The following KIF7 variants were observed in gnomAD, a reference collection of about 807,000 sequenced individuals.
KIF7 encodes kinesin family member 7, also known as kinesin-like protein KIF7.
A neutral mutation model predicts 135.7 loss-of-function variants in KIF7; 104 were observed. That is an observed-to-expected ratio of 0.77 (90% CI 0.65 to 0.90). The LOEUF (loss-of-function observed/expected upper bound fraction) is 0.90. Among genes scored for constraint, KIF7 ranks in the 40% least tolerant of loss-of-function variants. KIF7 has a pLI of 0.00. For synonymous variants in KIF7, 883 were observed against 809.4 expected (o/e 1.09, Z -1.54); for missense variants, 2,005 against 1,839.1 (o/e 1.09, Z -1.65).
chr15:89,633,817 G>C lies in KIF7; in HGVS notation c.2461C>G (p.Leu821Val). The change falls in exon 12 of 19, where the codon CTG becomes GTG. Residue 821 changes from leucine to valine, a missense_variant. Transcript: ENST00000394412. ...VSLSAQSEKR[L>V]QELERNVQLM... Reference sequence around the variant, plus strand: ...TGCACGTTCCGCTCGAGCTCCTGCAGTCGCTTCTCACTCTGGGCCGACAGT... The same window carrying C: ...TGCACGTTCCGCTCGAGCTCCTGCACTCGCTTCTCACTCTGGGCCGACAGT... The C allele has an allele frequency of 6.2e-7, 1 of 1,613,184 alleles. No individual in the cohort carries two copies. Among genetic ancestry groups the C allele is most frequent in the Non-Finnish European group, 8.5e-7 (1 of 1,180,050 alleles).
Position 89,630,434 on chromosome 15 carries a change from C to G in KIF7, c.3171G>C (p.Glu1057Asp). ...EAIEALDAAI[E>D]YKNEAITCRQ... The stretch of plus-strand genomic sequence containing the variant: ...GGCATGTGATGGCCTCATTCTTATA[C>G]TCAATGGCAGCATCCAGGGCCTCGA... Residue 1057 changes from glutamate (E) to aspartate (D), a missense_variant, in exon 16 of 19, where the codon GAG (glutamate) becomes GAC (aspartate). Coordinates refer to ENST00000394412, the MANE Select transcript of KIF7 (RefSeq NM_198525.3). The G allele has an allele frequency of 6.3e-7, 1 of 1,596,114 alleles. No individual in the cohort carries two copies. The highest frequency in any genetic ancestry group is 8.5e-7 in the Non-Finnish European group (1 of 1,171,052).
intron 1 of KIF7, among the ~76,000 whole-genome samples, chr15:89,653,180 G>A (rs1310582480): frequency 1.3e-5 from 2 of 152,154 alleles, no homozygotes; most frequent in East Asian, 3.9e-4. Context: ...CGGCACTGGC[G>A]AAATGAGGCC....
chr15:89,620,240 ACT>A (rs1339089350), intron 1 of KIF7, among the ~76,000 whole-genome samples: 4 of 152,078 alleles, frequency 2.6e-5, no homozygotes, highest in African/African-American at 9.7e-5. Flanking sequence ...ACAAGGTCTC[ACT>A]CTGTCACCCA....
chr15:89,630,662 C>T lies in KIF7; in HGVS notation c.3112-169G>A. The T allele has an allele frequency of 4.4e-6, 3 of 677,254 alleles. No individual in the cohort carries two copies. The South Asian group carries it at 4.9e-5, about 11-fold the overall frequency. 42.0% of individuals were successfully genotyped at this position (677,254 alleles called of 1,614,324 possible). A position where few individuals can be genotyped will look rare whatever the true frequency, so the allele number is the denominator to read the frequency against. On this transcript the variant is annotated intron_variant, in intron 15 of 18. Coordinates refer to ENST00000394412, the MANE Select transcript of KIF7 (RefSeq NM_198525.3). ...GGTGCCCCCTGCTCACTGTCACAGC[C>T]CCAACCCCAGGGTGAGCTGGGGGCA...
intron 10 of KIF7, among the ~76,000 whole-genome samples, 181 bp downstream of exon 10, chr15:89,644,832 G>A (rs989813056): frequency 2.6e-5 from 4 of 152,210 alleles, no homozygotes; most frequent in African/African-American, 4.8e-5. Flanking sequence ...ACTGAGGCAC[G>A]GAGGGTTTAT....
At position 89,635,081 on chromosome 15, in the gene KIF7, C is replaced by T. The variant is rs370535190; in HGVS notation, c.2395-1198G>A. On this transcript the variant is annotated intron_variant, in intron 11 of 18. Transcript: ENST00000394412. ...AGCAGGGGCAGACTGACACCTCACA[C>T]GGCCGGGTACTCCAACAGACCTGCA... 8.1e-4 allele frequency among the ~76,000 whole-genome samples: 123 copies of T among 151,914 alleles called. 1 individual carries two copies. Among genetic ancestry groups the T allele is most frequent in the Middle Eastern group, 3.4e-3 (1 of 294 alleles).
chr15:89,626,369 A>T (rs568061689), downstream of KIF7, among the ~76,000 whole-genome samples: 1 of 152,344 alleles, frequency 6.6e-6, no homozygotes, highest in Admixed American at 6.5e-5. Context: ...AGGCGTTCTG[A>T]GCAGCACGAG....
chr15:89,648,376 C>A lies in KIF7; in HGVS notation c.1322G>T (p.Arg441Leu), dbSNP rs1214331197. Reference protein sequence around the residue: ...GLPGAAARKVRDWLCAVEGER... With the variant: ...GLPGAAARKVLDWLCAVEGER... ...GCCCTCGACGGCGCACAGCCAGTCG[C>A]GCACCTTGCGGGCGGCGGCGCCGGG... The change falls in exon 5 of 19, where the codon CGC becomes CTC. Residue 441 changes from arginine (R) to leucine (L), a missense_variant. Coordinates refer to ENST00000394412, the MANE Select transcript of KIF7 (RefSeq NM_198525.3). 2.3e-5 allele frequency: 28 copies of A among 1,219,130 alleles called. No individual in the cohort carries two copies. Among genetic ancestry groups the A allele is most frequent in the African/African-American group, 3.2e-5 (2 of 62,046 alleles). 75.5% of individuals were successfully genotyped at this position (1,219,130 alleles called of 1,614,324 possible). A position where few individuals can be genotyped will look rare whatever the true frequency, so the allele number is the denominator to read the frequency against.
the KIF7 span, among the ~76,000 whole-genome samples, chr15:89,660,532 T>C: frequency 6.6e-6 from 1 of 152,158 alleles, no homozygotes; most frequent in South Asian, 2.1e-4. Flanking sequence ...TCTTGGCTCA[T>C]GAGGTGAGTT....
At chr15:89,625,803 AACCCAGTTTC>A (rs1323708968), downstream of KIF7, 1 of 1,584,246 alleles carries the variant, frequency 6.3e-7, no homozygotes, top group Non-Finnish European at 8.6e-7. Context: ...TCGTTTTTGA[AACCCAGTTTC>A]CTCATGGTTT....
At chr15:89,627,611 A>G (rs182275540), downstream of KIF7, 1 of 155,010 alleles carries the variant, frequency 6.5e-6, no homozygotes, top group South Asian at 2.0e-4. Flanking sequence ...CACTCAGTAC[A>G]TTTTTGTTTA....
In KIF7 at chr15:89,628,756, C is replaced by T. The variant is rs1327979036; in HGVS notation, c.3695G>A (p.Gly1232Asp). ...GGEKRSLCSE[G>D]RQAPGNEDEL... ...ATCTTCATTTCCAGGAGCCTGTCTG[C>T]CCTCCGAGCACAGGCTCCTCTTCTC... Residue 1232 changes from glycine (G) to aspartate (D), a missense_variant, in exon 19 of 19, where the codon GGC (glycine) becomes GAC (aspartate). By Grantham distance (94) the Gly-to-Asp change is moderately conservative (BLOSUM62 -1). Coordinates refer to ENST00000394412, the MANE Select transcript of KIF7 (RefSeq NM_198525.3). 2 of 1,612,238 alleles carry T rather than the reference C, an allele frequency of 1.2e-6. No homozygotes were observed. The highest frequency in any genetic ancestry group is 1.7e-5 in the Admixed American group (1 of 60,014).
downstream of KIF7, among the ~76,000 whole-genome samples, chr15:89,626,384 A>G (rs1963526952): frequency 6.6e-6 from 1 of 152,220 alleles, no homozygotes; most frequent in African/African-American, 2.4e-5. Context: ...CACGAGTGAT[A>G]GGCCTGTTTA....
intron 1 of KIF7, chr15:89,619,844 T>A: frequency 1.2e-6 from 2 of 1,608,144 alleles, no homozygotes; most frequent in Non-Finnish European, 1.7e-6. Context: ...ATAAGTCAGG[T>A]AACATACGGG....
chr15:89,629,107 C>A lies in KIF7; in HGVS notation c.3533G>T (p.Gly1178Val). 6.2e-7 allele frequency: 1 copy of A among 1,612,684 alleles called. No homozygotes were observed. The highest frequency in any genetic ancestry group is 1.1e-5 in the South Asian group (1 of 90,984). The change falls in exon 18 of 19, where the codon GGG becomes GTG. Residue 1178 changes from glycine to valine, a missense_variant. By Grantham distance (109) the Gly-to-Val change is moderately radical. Coordinates refer to ENST00000394412, the MANE Select transcript of KIF7 (RefSeq NM_198525.3). ...LQQSRDHLGEGLADSRRQYEA... is the reference protein window; with the variant it reads ...LQQSRDHLGEVLADSRRQYEA... ...ATACTGCCTCCTGCTGTCTGCTAAC[C>A]CTTCACCGAGGTGGTCTAGAGTGGA...
At chr15:89,645,235 G>A (rs1963991139) in intron 9 of KIF7, 70 bp from the exon 10 acceptor site, 3 of 1,602,758 alleles carry the variant, frequency 1.9e-6, no homozygotes, top group African/African-American at 2.7e-5. Context: ...TGGAGAGCAG[G>A]GGCTGCCAGG....
the KIF7 span, among the ~76,000 whole-genome samples, chr15:89,662,456 C>T: frequency 2.6e-5 from 4 of 152,274 alleles, no homozygotes; most frequent in East Asian, 5.8e-4. Flanking sequence ...TGAGATCCTG[C>T]CACTGCACTC....
intron 16 of KIF7, 118 bp from the exon 17 acceptor site, chr15:89,629,691 G>T: frequency 7.3e-7 from 1 of 1,377,584 alleles, no homozygotes; most frequent in Non-Finnish European, 9.9e-7. Flanking sequence ...AATCACCAGG[G>T]TCTTCCCTGC....
rs1964029998 is a variant in KIF7 at position 89,647,198 on chromosome 15, C to T, written c.1561-141G>A. On this transcript the variant is annotated intron_variant, in intron 6 of 18. Transcript: ENST00000394412. ...TGTCAAATACTCCTCTCCTCCCCAACAACTCTGTAGGAGTTCAGACTCAAA... is the reference window on the plus strand; with the variant it reads ...TGTCAAATACTCCTCTCCTCCCCAATAACTCTGTAGGAGTTCAGACTCAAA... 8 of 742,086 alleles carry T rather than the reference C, an allele frequency of 1.1e-5. No homozygotes were observed. In the Admixed American group the frequency reaches 1.7e-4, roughly 16 times the overall value. The allele number at this position is 742,086 out of a possible 1,614,324, so 46.0% of individuals were successfully genotyped here.
Sources: allele counts gnomAD v4.1 joint callset (sites outside exome capture counted in the v4.1 genomes callset), GRCh38; gene constraint gnomAD v4.1.1; transcripts MANE v1.5; gene names NCBI Gene and HGNC (gene_info 2026-07-23, HGNC 2026-07-21).